The following EVC2 variants were observed in gnomAD, a reference collection of about 807,000 sequenced individuals.
EVC2 encodes the protein limbin.
In EVC2, 148 loss-of-function variants were observed where a neutral mutation model predicts 149.3. The ratio of observed to expected loss-of-function variants is 0.99; its 90% CI spans 0.87 to 1.14. The LOEUF (loss-of-function observed/expected upper bound fraction) is 1.14, where lower values mean the gene tolerates loss of function less well. Ranked by LOEUF, EVC2 falls within the 50% of genes most tolerant of loss-of-function variation. EVC2 has a pLI of 0.00. For synonymous variants in EVC2, 776 were observed against 649.9 expected (o/e 1.19, Z -2.95); for missense variants, 1,854 against 1,627.3 (o/e 1.14, Z -2.40).
chr4:5,640,232 T>C lies in EVC2; in HGVS notation c.1470+282A>G, dbSNP rs939717662. ...ATGTGTAGATGGACAGATGGGTGAATGAGTGGGTGGATGAATGGATAGGTG... is the reference window on the plus strand; with the variant it reads ...ATGTGTAGATGGACAGATGGGTGAACGAGTGGGTGGATGAATGGATAGGTG... On this transcript the variant is annotated intron_variant, in intron 10 of 21. Coordinates refer to ENST00000344408, the MANE Select transcript of EVC2 (RefSeq NM_147127.5). The surrounding 1 kb of genome is among the most constrained non-coding windows in gnomAD (Gnocchi z 4.6). 4.0e-5 allele frequency among the ~76,000 whole-genome samples: 6 copies of C among 150,572 alleles called. No individual in the cohort carries two copies. The highest frequency in any genetic ancestry group is 1.5e-4 in the African/African-American group (6 of 40,940).
intron 7 of EVC2, among the ~76,000 whole-genome samples, chr4:5,680,763 C>A (rs1460896274): frequency 6.6e-6 from 1 of 152,170 alleles, no homozygotes; most frequent in African/African-American, 2.4e-5. Context: ...TTTTAAGAAA[C>A]GTGAAGTGTT....
chr4:5,694,509 A>G lies in EVC2; in HGVS notation c.284-8T>C. The G allele has an allele frequency of 5.0e-6, 8 of 1,614,196 alleles. No homozygotes were observed. The highest frequency in any genetic ancestry group is 6.8e-6 in the Non-Finnish European group (8 of 1,180,024). On this transcript the variant is annotated splice_region_variant and splice_polypyrimidine_tract_variant and intron_variant, in intron 2 of 21. Transcript: ENST00000344408. ...TTCCAAGTGGTGCTTCCACTGCAAA[A>G]CAACAACACACCCGTTTTATATAAT...
intron 6 of EVC2, 52 bp downstream of exon 6, chr4:5,685,318 A>G: frequency 1.3e-6 from 2 of 1,560,300 alleles, no homozygotes; most frequent in Non-Finnish European, 1.8e-6. Context: ...TATTTCTAAA[A>G]CAACCTCTCT....
Position 5,694,415 on chromosome 4 carries a change from C to A in EVC2, c.370G>T (p.Ala124Ser). Residue 124 changes from alanine to serine, a missense_variant, in exon 3 of 22, where the codon GCT becomes TCT. Coordinates refer to ENST00000344408, the MANE Select transcript of EVC2 (RefSeq NM_147127.5). ...STSAASSGPW[A>S]HSLFAFIPSW... ...GGTATAAAAGCAAATAAGGAATGAG[C>A]CCATGGCCCACTAGAGGCTGCAGAA... The A allele has an allele frequency of 6.2e-7, 1 of 1,614,100 alleles. No individual in the cohort carries two copies. The highest frequency in any genetic ancestry group is 8.5e-7 in the Non-Finnish European group (1 of 1,180,000).
chr4:5,530,291 A>G, the EVC2 span, among the ~76,000 whole-genome samples: 9 of 152,198 alleles, frequency 5.9e-5, no homozygotes, highest in Middle Eastern at 3.2e-3. Context: ...CCTTTACAAC[A>G]GACATTGTGC....
At chr4:5,565,419 C>G (rs534779285) in intron 20 of EVC2, 60 bp from the exon 21 acceptor site, 6 of 1,537,164 alleles carry the variant, frequency 3.9e-6, no homozygotes, top group Middle Eastern at 1.7e-4. Flanking sequence ...CACTGTAATC[C>G]CAGCACTTTG....
At chr4:5,566,911 C>T (rs1029052710) in intron 20 of EVC2, among the ~76,000 whole-genome samples, 41 of 152,240 alleles carry the variant, frequency 2.7e-4, no homozygotes, top group Admixed American at 1.6e-3. Context: ...TGTCCGTGCA[C>T]GCAGGCAGGC....
At chr4:5,688,069 A>T (rs565606722) in intron 5 of EVC2, among the ~76,000 whole-genome samples, 1 of 152,152 alleles carries the variant, frequency 6.6e-6, no homozygotes, top group South Asian at 2.1e-4. Flanking sequence ...ATTCATCTTT[A>T]TATCATTGAA....
At chr4:5,535,625 G>GAGAGAGAGAGAGAGAGAT in the EVC2 span, among the ~76,000 whole-genome samples, 1,883 of 150,506 alleles carry the variant, frequency 0.013, 34 homozygotes, top group African/African-American at 0.044. The surrounding 1 kb of genome is among the most constrained non-coding windows in gnomAD (Gnocchi z 4.7). Flanking sequence ...GAGAGAGAGA[G>GAGAGAGAGAGAGAGAGAT]AGAGAGAGAA....
intron 7 of EVC2, among the ~76,000 whole-genome samples, chr4:5,671,321 T>C (rs1221276964): frequency 6.6e-6 from 1 of 152,140 alleles, no homozygotes; most frequent in Non-Finnish European, 1.5e-5. Context: ...CATCAAGGGT[T>C]TGTGCCCCTG....
chr4:5,534,886 TA>T, the EVC2 span, among the ~76,000 whole-genome samples: 26 of 145,904 alleles, frequency 1.8e-4, no homozygotes, highest in South Asian at 5.9e-3. Flanking sequence ...TTAATGGCCA[TA>T]ACACAAGGGT....
chr4:5,545,831 A>G (rs990802079), intron 21 of EVC2, among the ~76,000 whole-genome samples: 3 of 152,238 alleles, frequency 2.0e-5, no homozygotes, highest in Admixed American at 6.5e-5. Flanking sequence ...ACAGGAGGTA[A>G]GGTGCTGCAG....
chr4:5,698,758 G>A (rs1364406039), intron 1 of EVC2, among the ~76,000 whole-genome samples: 2 of 152,236 alleles, frequency 1.3e-5, no homozygotes, highest in East Asian at 3.8e-4. Context: ...CCAGAGCCTG[G>A]CACGCAAGCA....
rs186343169 is a variant in EVC2 at position 5,596,343 on chromosome 4, A to G, written c.2830-11493T>C. 7.2e-4 allele frequency among the ~76,000 whole-genome samples: 110 copies of G among 152,344 alleles called. 1 individual carries two copies. Among genetic ancestry groups the G allele is most frequent in the Admixed American group, 1.8e-3 (28 of 15,304 alleles). On this transcript the variant is annotated intron_variant, in intron 16 of 21. Coordinates refer to ENST00000344408, the MANE Select transcript of EVC2 (RefSeq NM_147127.5). Reference sequence around the variant, plus strand: ...AGTAAAGCTCTCCTCAGCAAATATAAAAGATCAGACATTATAACAAACTGT... The same window carrying G: ...AGTAAAGCTCTCCTCAGCAAATATAGAAGATCAGACATTATAACAAACTGT...
In EVC2 at chr4:5,686,520, C is replaced by T. The variant is rs1720723617; in HGVS notation, c.707-1041G>A. Among the ~76,000 whole-genome samples the T allele has an allele frequency of 1.3e-5, 2 of 152,178 alleles. No individual in the cohort carries two copies. Among genetic ancestry groups the T allele is most frequent in the Admixed American group, 1.3e-4 (2 of 15,276 alleles). Reference sequence around the variant, plus strand: ...CACCTGCATTAACCCAGCTGATCTCCACACACTGCCCCGAGATGGATGGAG... The same window carrying T: ...CACCTGCATTAACCCAGCTGATCTCTACACACTGCCCCGAGATGGATGGAG... On this transcript the variant is annotated intron_variant, in intron 5 of 21. Transcript: ENST00000344408. The surrounding 1 kb of genome is among the most constrained non-coding windows in gnomAD (Gnocchi z 5.4).
At chr4:5,594,309 T>C (rs945233777) in intron 16 of EVC2, among the ~76,000 whole-genome samples, 1 of 152,184 alleles carries the variant, frequency 6.6e-6, no homozygotes, top group Admixed American at 6.5e-5. Flanking sequence ...GCAGCCTAAC[T>C]GGGAGGCACC....
Position 5,613,046 on chromosome 4 carries a change from C to T in EVC2, c.2829+2376G>A, listed in dbSNP as rs907994179. Among the ~76,000 whole-genome samples, 6 of 151,492 alleles carry T rather than the reference C, an allele frequency of 4.0e-5. No homozygotes were observed. Among genetic ancestry groups the T allele is most frequent in the African/African-American group, 7.3e-5 (3 of 41,144 alleles). On this transcript the variant is annotated intron_variant, in intron 16 of 21. Transcript: ENST00000344408. This position sits in a 1 kb window ranked among gnomAD's most constrained non-coding sequence, Gnocchi z 4.6. ...CCAGCCTTGAGCCACTGGGTGGGAG[C>T]GGTGCGGTCTGCACCTGATGTCCCC...
At chr4:5,582,534 T>C (rs750399884) in intron 17 of EVC2, among the ~76,000 whole-genome samples, 1 of 152,238 alleles carries the variant, frequency 6.6e-6, no homozygotes, top group Non-Finnish European at 1.5e-5. Context: ...ACTAACTTGT[T>C]TTTTAATTTA....
rs1560172761 is a variant in EVC2 at position 5,622,881 on chromosome 4, GGCACCGT to G, written c.2150_2156del (p.His717ProfsTer21). 1 of 1,614,138 alleles carries G rather than the reference GGCACCGT, an allele frequency of 6.2e-7. No homozygotes were observed. Among genetic ancestry groups the G allele is most frequent in the Non-Finnish European group, 8.5e-7 (1 of 1,180,032 alleles). ...GACGCTCCTGCAGCTCCTCCAGGGTGGCACCGTGCTCCTCCATCAGGCTCCTCTTCTG... is the reference window on the plus strand; with the variant it reads ...GACGCTCCTGCAGCTCCTCCAGGGTGGCTCCTCCATCAGGCTCCTCTTCTG... On this transcript the variant is annotated frameshift_variant, in exon 14 of 22. Transcript: ENST00000344408. LOFTEE classifies it high-confidence loss of function. The surrounding 1 kb of genome is among the most constrained non-coding windows in gnomAD (Gnocchi z 5.8).
Sources: gnomAD v4.1 joint callset for allele counts (sites outside exome capture counted in the v4.1 genomes callset) on GRCh38, gnomAD v4.1.1 for gene constraint, Gnocchi (gnomAD v3.1) non-coding constraint, MANE v1.5 for transcripts, NCBI Gene and HGNC (gene_info 2026-07-23, HGNC 2026-07-21) for gene names.